The following EPM2A variants were observed in gnomAD, a reference collection of about 807,000 sequenced individuals.
EPM2A encodes the protein EPM2A glucan phosphatase, laforin, also known as laforin.
Under a neutral mutation model 26.5 loss-of-function variants are expected in EPM2A, and 21 were observed. The observed-to-expected ratio is 0.79, with a 90% CI of 0.56 to 1.14. The LOEUF is 1.14. EPM2A is among the 50% of genes most tolerant of loss of function. EPM2A has a pLI of 0.00. For synonymous variants in EPM2A, 217 were observed against 177.6 expected (o/e 1.22, Z -1.76); for missense variants, 458 against 440.8 (o/e 1.04, Z -0.35).
downstream of EPM2A, among the ~76,000 whole-genome samples, chr6:145,621,632 T>A (rs187712613): frequency 9.3e-4 from 141 of 151,738 alleles, 1 homozygote; most frequent in Middle Eastern, 0.024. Context: ...TTTTTTTACA[T>A]CCTAACAGGT....
At chr6:145,525,642 T>C (rs1203529156) in intron 2 of EPM2A, among the ~76,000 whole-genome samples, 3 of 152,158 alleles carry the variant, frequency 2.0e-5, no homozygotes, top group Admixed American at 2.0e-4. Context: ...TGTACATTGA[T>C]TTTGTTTCTT....
Position 145,719,886 on chromosome 6 carries a change from G to T in EPM2A, c.301+15312C>A, listed in dbSNP as rs142201721. On this transcript the variant is annotated intron_variant, in intron 1 of 3. Coordinates refer to ENST00000367519, the MANE Select transcript of EPM2A (RefSeq NM_005670.4). ...AGTTTTCCTAACTGAAGGTGCAAAA[G>T]TAATAGAGATCTCTTCTCAGTGGTT... Among the ~76,000 whole-genome samples the T allele has an allele frequency of 4.3e-3, 656 of 152,194 alleles. 3 individuals are homozygous for T. The highest frequency in any genetic ancestry group is 0.014 in the African/African-American group (568 of 41,522).
intron 2 of EPM2A, among the ~76,000 whole-genome samples, chr6:145,505,604 A>G (rs1582807543): frequency 6.6e-6 from 1 of 152,276 alleles, no homozygotes; most frequent in Non-Finnish European, 1.5e-5. Flanking sequence ...AACTTCCTGT[A>G]AAACAAAACA....
At position 145,625,847 on chromosome 6, in the gene EPM2A, T is replaced by A; in HGVS notation, c.*1569A>T. The stretch of plus-strand genomic sequence containing the variant: ...CCACGCCTTCTAAATAAGAGTCTCT[T>A]GCATCTATCAATATGTGTTTGTGGA... On this transcript the variant is annotated 3_prime_UTR_variant, in exon 4 of 4. Transcript: ENST00000367519. The A allele has an allele frequency of 6.5e-7, 1 of 1,541,836 alleles. No homozygotes were observed. Among genetic ancestry groups the A allele is most frequent in the Non-Finnish European group, 8.8e-7 (1 of 1,142,360 alleles).
At chr6:145,458,616 A>G (rs1779291749) in intron 4 of EPM2A, among the ~76,000 whole-genome samples, 2 of 152,164 alleles carry the variant, frequency 1.3e-5, no homozygotes, top group Non-Finnish European at 2.9e-5. Context: ...ATTGTGAGAA[A>G]GTGGAGTTTG....
chr6:145,717,840 A>C lies in EPM2A; in HGVS notation c.301+17358T>G, dbSNP rs372445664. Among the ~76,000 whole-genome samples the C allele has an allele frequency of 3.6e-4, 55 of 151,166 alleles. 1 individual carries two copies. In the East Asian group the frequency reaches 5.2e-3, roughly 14 times the overall value. On this transcript the variant is annotated intron_variant, in intron 1 of 3. Transcript: ENST00000367519. ...ACACCAATAACAGACAAACAGAGAG[A>C]CAAATCATGAGTGAACTCCCATTCA...
At chr6:145,683,271 GTGTGT>G (rs1780672528) in intron 2 of EPM2A, among the ~76,000 whole-genome samples, 8 of 68,176 alleles carry the variant, frequency 1.2e-4, no homozygotes, top group African/African-American at 3.1e-4. Context: ...AGGATTTGGT[GTGTGT>G]GTGTGTGTGT....
At chr6:145,686,918 C>G (rs939633971) in intron 1 of EPM2A, 2 of 154,222 alleles carry the variant, frequency 1.3e-5, no homozygotes, top group African/African-American at 2.4e-5. Flanking sequence ...CCTAGTCCCC[C>G]ACCTTTCTGG....
chr6:145,535,760 A>G (rs390252), intron 2 of EPM2A, among the ~76,000 whole-genome samples: 67,845 of 152,156 alleles, frequency 0.45, 15,164 homozygotes, highest in South Asian at 0.58. Flanking sequence ...AAATTAAATT[A>G]AGTAAAAATG....
chr6:145,455,788 T>C (rs1779255852), intron 4 of EPM2A, among the ~76,000 whole-genome samples: 1 of 152,228 alleles, frequency 6.6e-6, no homozygotes, highest in South Asian at 2.1e-4. Flanking sequence ...GGTTTACTGG[T>C]AAATTATTCA....
At chr6:145,707,916 G>A (rs987894713) in intron 1 of EPM2A, among the ~76,000 whole-genome samples, 2 of 152,166 alleles carry the variant, frequency 1.3e-5, no homozygotes, top group Non-Finnish European at 1.5e-5. Context: ...GGAAGATGTG[G>A]GAAAGTTTGG....
intron 4 of EPM2A, among the ~76,000 whole-genome samples, chr6:145,486,367 A>G (rs1052278486): frequency 6.6e-6 from 1 of 152,218 alleles, no homozygotes; most frequent in Non-Finnish European, 1.5e-5. Flanking sequence ...TATAACATAC[A>G]TTTATATAGT....
chr6:145,589,190 T>C lies in EPM2A; in HGVS notation c.340+46055A>G, dbSNP rs558792906. Among the ~76,000 whole-genome samples the C allele has an allele frequency of 2.0e-5, 3 of 152,290 alleles. No homozygotes were observed. In the East Asian group the frequency reaches 5.8e-4, roughly 29 times the overall value. ...CCAAGTTGCTGGAATGTCTGAGCCA[T>C]CTGGAGCTGATTTACAGAAGCAGTT... On this transcript the variant is annotated intron_variant, in intron 2 of 3. Transcript: ENST00000450221.
chr6:145,616,868 T>C (rs535935223), intron 2 of EPM2A, among the ~76,000 whole-genome samples: 3 of 152,324 alleles, frequency 2.0e-5, no homozygotes, highest in African/African-American at 7.2e-5. Context: ...TGCACCCCCA[T>C]TGTATCTAGG....
At chr6:145,671,395 T>C in intron 2 of EPM2A, 1 of 992,380 alleles carries the variant, frequency 1.0e-6, no homozygotes, top group Non-Finnish European at 1.2e-6. Flanking sequence ...CTTTGGTCCC[T>C]GGATCTGAAA....
chr6:145,583,474 G>A (rs1184596129), intron 2 of EPM2A, among the ~76,000 whole-genome samples: 2 of 152,176 alleles, frequency 1.3e-5, no homozygotes, highest in Non-Finnish European at 2.9e-5. Context: ...CTGGAGGGCT[G>A]GTAGTAGGTG....
chr6:145,484,664 C>T (rs1779651286), intron 4 of EPM2A, among the ~76,000 whole-genome samples: 1 of 151,954 alleles, frequency 6.6e-6, no homozygotes, highest in African/African-American at 2.4e-5. Flanking sequence ...CTGGATTGTT[C>T]AGAGGATTAA....
At chr6:145,541,187 G>C (rs1178248900) in intron 2 of EPM2A, among the ~76,000 whole-genome samples, 5 of 148,096 alleles carry the variant, frequency 3.4e-5, no homozygotes, top group Non-Finnish European at 6.0e-5. Context: ...CTGTGTGTGT[G>C]TGTGTGTGTG....
chr6:145,553,257 T>C (rs1780679639), intron 2 of EPM2A, among the ~76,000 whole-genome samples: 1 of 152,134 alleles, frequency 6.6e-6, no homozygotes, highest in African/African-American at 2.4e-5. Context: ...TAATCATCAG[T>C]CAATTAAACC....
Sources: gnomAD v4.1 joint callset for allele counts (sites outside exome capture counted in the v4.1 genomes callset) on GRCh38, gnomAD v4.1.1 for gene constraint, MANE v1.5 for transcripts, NCBI Gene and HGNC (gene_info 2026-07-23, HGNC 2026-07-21) for gene names.